Variants in INSR observed in about 807,000 individuals in gnomAD.
The protein encoded by INSR is IR.
INSR carries 67 observed loss-of-function variants against 142.6 expected under a neutral mutation model. The observed-to-expected ratio is 0.47, with a 90% confidence interval of 0.39 to 0.58. INSR has a LOEUF of 0.58. Among genes scored for constraint, INSR ranks in the 20% least tolerant of loss-of-function variants. The probability of loss-of-function intolerance (pLI) is 0.00; values close to 1 mark genes in which losing one functional copy is unlikely to be tolerated. For missense variants in INSR, 1,248 were observed against 1,833.2 expected (o/e 0.68, Z 5.83); for synonymous variants, 756 against 743.1 (o/e 1.02, Z -0.28).
At chr19:7,151,607 G>A (rs1973363108) in intron 10 of INSR, among the ~76,000 whole-genome samples, 1 of 151,520 alleles carries the variant, frequency 6.6e-6, no homozygotes, top group African/African-American at 2.4e-5. Flanking sequence ...TGTAACAGGT[G>A]AAACAGTAAC....
intron 2 of INSR, among the ~76,000 whole-genome samples, chr19:7,208,634 C>A (rs1397169390): frequency 6.6e-6 from 1 of 152,152 alleles, no homozygotes; most frequent in African/African-American, 2.4e-5. Context: ...CTTTGGGAGG[C>A]CCAGGCGGGT....
Position 7,153,533 on chromosome 19 carries a change from T to TGAGACAGAGCC in INSR, c.2030-617_2030-607dup, listed in dbSNP as rs2144900325. Among the ~76,000 whole-genome samples, 4 of 115,252 alleles carry TGAGACAGAGCC rather than the reference T, an allele frequency of 3.5e-5. No individual in the cohort carries two copies. In the South Asian group the frequency reaches 1.2e-3, roughly 35 times the overall value. The allele number at this position is 115,252 out of a possible 152,430, so 75.6% of individuals were successfully genotyped here. A position where few individuals can be genotyped will look rare whatever the true frequency, so the allele number is the denominator to read the frequency against. ...GGGGGCCTTCTCAGAGAGGCTGAGC[T>TGAGACAGAGCC]GAGACAGAGCCTAGATTTGAGCTCC... On this transcript the variant is annotated intron_variant, in intron 9 of 21. Transcript: ENST00000302850.
At chr19:7,124,132 G>A (rs1037438635) in intron 17 of INSR, among the ~76,000 whole-genome samples, 38 of 152,138 alleles carry the variant, frequency 2.5e-4, no homozygotes, top group African/African-American at 7.0e-4. Flanking sequence ...GGGAGGCCAA[G>A]GCGGGTGGAT....
At chr19:7,122,202 G>C (rs1017514492) in intron 19 of INSR, among the ~76,000 whole-genome samples, 2 of 151,054 alleles carry the variant, frequency 1.3e-5, no homozygotes, top group Non-Finnish European at 2.9e-5. Flanking sequence ...CCAGCACTTT[G>C]GGAGGCCGAG....
At chr19:7,273,908 G>T (rs1967991211) in intron 1 of INSR, among the ~76,000 whole-genome samples, 1 of 151,852 alleles carries the variant, frequency 6.6e-6, no homozygotes, top group Admixed American at 6.6e-5. Context: ...CAGGAGAATC[G>T]CTTGAACCCA....
intron 2 of INSR, among the ~76,000 whole-genome samples, chr19:7,245,328 C>T (rs1225387670): frequency 6.6e-6 from 1 of 152,138 alleles, no homozygotes; most frequent in African/African-American, 2.4e-5. Context: ...AGGGAAAAAA[C>T]TAGATTTGCC....
At chr19:7,142,505 G>A (rs1973095714) in intron 12 of INSR, among the ~76,000 whole-genome samples, 1 of 151,712 alleles carries the variant, frequency 6.6e-6, no homozygotes. Context: ...GACCAGCCTG[G>A]GCAATATGGT....
At chr19:7,270,370 C>T (rs1234422400) in intron 1 of INSR, among the ~76,000 whole-genome samples, 1 of 151,588 alleles carries the variant, frequency 6.6e-6, no homozygotes, top group Non-Finnish European at 1.5e-5. Flanking sequence ...CACACACACA[C>T]ACACACACAC....
At chr19:7,286,167 GAGAC>G (rs1968340475) in intron 1 of INSR, among the ~76,000 whole-genome samples, 3 of 151,408 alleles carry the variant, frequency 2.0e-5, no homozygotes, top group East Asian at 4.0e-4. Context: ...GGGTTTTGTA[GAGAC>G]GGGGTCTTGC....
intron 2 of INSR, among the ~76,000 whole-genome samples, chr19:7,264,240 GGAAAA>G (rs1395272009): frequency 6.6e-6 from 1 of 151,800 alleles, no homozygotes; most frequent in African/African-American, 2.4e-5. Flanking sequence ...GGCTGAGGCA[GGAAAA>G]TTGCTTGAAC....
At chr19:7,197,563 AGT>A (rs201931284) in intron 2 of INSR, among the ~76,000 whole-genome samples, 10 of 55,914 alleles carry the variant, frequency 1.8e-4, no homozygotes, top group East Asian at 1.1e-3. Context: ...CCAGAGTGGG[AGT>A]GTGTGTGTTT....
In INSR at chr19:7,174,804, A is replaced by G. The variant is rs534518399; in HGVS notation, c.975-73T>C. On this transcript the variant is annotated intron_variant, in intron 3 of 21. Transcript: ENST00000302850. The stretch of plus-strand genomic sequence containing the variant: ...TCACGGTATCCAAGGTCCTTCAGAC[A>G]TCTCAGGCATCTTTCTGCCTGATAT... 4 of 1,431,832 alleles carry G rather than the reference A, an allele frequency of 2.8e-6. No homozygotes were observed. In the Admixed American group the frequency reaches 5.8e-5, roughly 21 times the overall value. The allele number at this position is 1,431,832 out of a possible 1,614,324, so 88.7% of individuals were successfully genotyped here.
At chr19:7,214,714 C>T (rs996466980) in intron 2 of INSR, among the ~76,000 whole-genome samples, 4 of 152,116 alleles carry the variant, frequency 2.6e-5, no homozygotes, top group Non-Finnish European at 5.9e-5. Context: ...ATGATGATGA[C>T]TTATCCCTCT....
At chr19:7,164,867 T>C (rs8107417) in intron 8 of INSR, among the ~76,000 whole-genome samples, 85,191 of 143,374 alleles carry the variant, frequency 0.59, 25,741 homozygotes, top group African/African-American at 0.73. Flanking sequence ...CATGGTGGCT[T>C]ATGCCTGTAA....
At position 7,125,539 on chromosome 19, in the gene INSR, T is replaced by C. The variant is rs1435802270; in HGVS notation, c.3014-12A>G. ...AGAGCATGGAAACACTACTTCTTACTTATCTACACAGCATCCTTGGAGGAT... is the reference window on the plus strand; with the variant it reads ...AGAGCATGGAAACACTACTTCTTACCTATCTACACAGCATCCTTGGAGGAT... On this transcript the variant is annotated splice_polypyrimidine_tract_variant and intron_variant, in intron 16 of 21. Coordinates refer to ENST00000302850, the MANE Select transcript of INSR (RefSeq NM_000208.4). This position sits in a 1 kb window ranked among gnomAD's most constrained non-coding sequence, Gnocchi z 4.9. 1 of 1,612,310 alleles carries C rather than the reference T, an allele frequency of 6.2e-7. No individual in the cohort carries two copies. Among genetic ancestry groups the C allele is most frequent in the African/African-American group, 1.3e-5 (1 of 74,858 alleles).
At chr19:7,291,288 A>G (rs1307271227) in intron 1 of INSR, among the ~76,000 whole-genome samples, 1 of 152,196 alleles carries the variant, frequency 6.6e-6, no homozygotes, top group Admixed American at 6.6e-5. Flanking sequence ...TTGCAATCCC[A>G]GCCCTGCTGC....
At chr19:7,212,313 G>A (rs191729220) in intron 2 of INSR, among the ~76,000 whole-genome samples, 5 of 152,196 alleles carry the variant, frequency 3.3e-5, no homozygotes, top group Admixed American at 3.3e-4. Flanking sequence ...TTATAGCTTT[G>A]GGGGCTCCAG....
At position 7,124,230 on chromosome 19, in the gene INSR, G is replaced by A. The variant is rs538310341; in HGVS notation, c.3258+1053C>T. 4.3e-4 allele frequency among the ~76,000 whole-genome samples: 65 copies of A among 151,938 alleles called. No homozygotes were observed. In the South Asian group the frequency reaches 0.013, roughly 30 times the overall value. On this transcript the variant is annotated intron_variant, in intron 17 of 21. Transcript: ENST00000302850. ...AAAGTATAAAAAGCATTAGCTGGGC[G>A]TGGTGGCAGGCACCTGCAGTCCCAG...
intron 2 of INSR, among the ~76,000 whole-genome samples, chr19:7,208,515 G>A (rs11668724): frequency 0.19 from 29,630 of 152,076 alleles, 3,012 homozygotes; most frequent in Non-Finnish European, 0.22. Context: ...CACGTGCACA[G>A]GCCACACAAA....
Sources: allele counts gnomAD v4.1 joint callset (sites outside exome capture counted in the v4.1 genomes callset), GRCh38; gene constraint gnomAD v4.1.1; non-coding constraint Gnocchi (gnomAD v3.1); transcripts MANE v1.5; gene names NCBI Gene and HGNC (gene_info 2026-07-23, HGNC 2026-07-21).